The following AGPAT5 variants were observed in gnomAD, a reference collection of about 807,000 sequenced individuals.
AGPAT5 encodes 1-acylglycerol-3-phosphate O-acyltransferase 5, also known as 1-acyl-sn-glycerol-3-phosphate acyltransferase epsilon.
A neutral mutation model predicts 45.6 loss-of-function variants in AGPAT5; 46 were observed. The ratio of observed to expected loss-of-function variants is 1.01; its 90% CI spans 0.80 to 1.29. The LOEUF is 1.29. Among genes scored for constraint, AGPAT5 ranks in the 50% most tolerant of loss-of-function variants. AGPAT5 has a pLI of 0.00. For missense variants in AGPAT5, 673 were observed against 450.7 expected (o/e 1.49, Z -4.47); for synonymous variants, 272 against 167.0 (o/e 1.63, Z -4.85).
intron 1 of AGPAT5, among the ~76,000 whole-genome samples, chr8:6,711,246 G>C (rs1800147965): frequency 6.6e-6 from 1 of 152,220 alleles, no homozygotes; most frequent in Non-Finnish European, 1.5e-5. Flanking sequence ...TCTGTGCTTG[G>C]CAGGTAAACC....
intron 1 of AGPAT5, among the ~76,000 whole-genome samples, chr8:6,711,277 G>T (rs1800148752): frequency 1.3e-5 from 2 of 152,096 alleles, no homozygotes; most frequent in African/African-American, 2.4e-5. Context: ...AAATTTAGTT[G>T]GATTTTTCTT....
intron 6 of AGPAT5, among the ~76,000 whole-genome samples, chr8:6,749,038 A>C (rs1388064424): frequency 2.0e-5 from 3 of 152,256 alleles, no homozygotes; most frequent in African/African-American, 7.2e-5. Context: ...TATTCTGCCC[A>C]ACCTTACACG....
In AGPAT5 at chr8:6,730,213, G is replaced by T. The variant is rs1044332429; in HGVS notation, c.290-498G>T. ...CTGTATTTTATCTTTGAAATAAAAAGCCTTTCAAGAAATGCAAAAAAAAAA... is the reference window on the plus strand; with the variant it reads ...CTGTATTTTATCTTTGAAATAAAAATCCTTTCAAGAAATGCAAAAAAAAAA... On this transcript the variant is annotated intron_variant, in intron 2 of 7. Transcript: ENST00000285518. Among the ~76,000 whole-genome samples, 60 of 148,656 alleles carry T rather than the reference G, an allele frequency of 4.0e-4. 1 individual carries two copies. In the Middle Eastern group the frequency reaches 0.021, roughly 52 times the overall value.
chr8:6,728,302 C>A (rs1258338511), intron 2 of AGPAT5, among the ~76,000 whole-genome samples: 1 of 152,246 alleles, frequency 6.6e-6, no homozygotes. Flanking sequence ...GTAATATAAT[C>A]TCAGCTGTAA....
In AGPAT5 at chr8:6,760,442, A is replaced by G. The variant is rs921793847; in HGVS notation, c.*3054A>G. Among the ~76,000 whole-genome samples, 2 of 152,164 alleles carry G rather than the reference A, an allele frequency of 1.3e-5. No homozygotes were observed. The highest frequency in any genetic ancestry group is 1.3e-4 in the Admixed American group (2 of 15,274). On this transcript the variant is annotated 3_prime_UTR_variant, in exon 8 of 8. Transcript: ENST00000285518. ...TATAGAAATATAAAATTTGCTTATT[A>G]TAGACACACAGTAACTCCCAGATAT...
chr8:6,718,831 G>T (rs1241773946), intron 1 of AGPAT5, among the ~76,000 whole-genome samples: 2 of 152,148 alleles, frequency 1.3e-5, no homozygotes, highest in Non-Finnish European at 2.9e-5. Context: ...TTTTGAAAAA[G>T]AAATTGTAAA....
chr8:6,715,494 G>A (rs1800293008), intron 1 of AGPAT5, among the ~76,000 whole-genome samples: 1 of 152,232 alleles, frequency 6.6e-6, no homozygotes, highest in South Asian at 2.1e-4. Context: ...CTGTGTGCAA[G>A]TATTGTTCTA....
intron 1 of AGPAT5, among the ~76,000 whole-genome samples, chr8:6,723,461 C>T (rs887752823): frequency 6.6e-6 from 1 of 152,094 alleles, no homozygotes; most frequent in East Asian, 1.9e-4. Flanking sequence ...CCCGCCCGCC[C>T]ACTCCACCTC....
intron 3 of AGPAT5, among the ~76,000 whole-genome samples, chr8:6,731,970 A>G (rs1039458425): frequency 2.6e-5 from 4 of 152,186 alleles, no homozygotes; most frequent in African/African-American, 9.7e-5. Flanking sequence ...CTGGATGACT[A>G]ATCCTTCTAC....
chr8:6,729,028 A>C (rs1236250790), intron 2 of AGPAT5, among the ~76,000 whole-genome samples: 1 of 152,206 alleles, frequency 6.6e-6, no homozygotes, highest in Admixed American at 6.5e-5. Context: ...GCAACATTCT[A>C]CTTATAGGGA....
Position 6,730,733 on chromosome 8 carries a change from C to T in AGPAT5, c.312C>T (p.Ile104=), listed in dbSNP as rs768790339. Residue 104 remains isoleucine, a synonymous_variant, in exon 3 of 8, where the codon ATC becomes ATT. Coordinates refer to ENST00000285518, the MANE Select transcript of AGPAT5 (RefSeq NM_018361.5). ...QSTVDWIVAD[I]LAIRQNALGH... ...CAGTTGACTGGATTGTTGCTGACAT[C>T]TTGGCCATCAGGCAGAATGCGCTAG... 6.2e-7 allele frequency: 1 copy of T among 1,613,322 alleles called. No individual in the cohort carries two copies. Among genetic ancestry groups the T allele is most frequent in the Non-Finnish European group, 8.5e-7 (1 of 1,179,444 alleles).
At position 6,760,397 on chromosome 8, in the gene AGPAT5, C is replaced by A. The variant is rs1407510953; in HGVS notation, c.*3009C>A. Among the ~76,000 whole-genome samples the A allele has an allele frequency of 6.6e-6, 1 of 151,886 alleles. No individual in the cohort carries two copies. Among genetic ancestry groups the A allele is most frequent in the Non-Finnish European group, 1.5e-5 (1 of 67,996 alleles). Reference sequence around the variant, plus strand: ...TAGGTAACAGCACGAGACCCCAACTCTTAGAAAATGAAAAGGAAATATAGA... The same window carrying A: ...TAGGTAACAGCACGAGACCCCAACTATTAGAAAATGAAAAGGAAATATAGA... On this transcript the variant is annotated 3_prime_UTR_variant, in exon 8 of 8. Transcript: ENST00000285518.
chr8:6,749,831 T>C (rs1470453708), intron 6 of AGPAT5, among the ~76,000 whole-genome samples: 1 of 152,258 alleles, frequency 6.6e-6, no homozygotes, highest in Admixed American at 6.5e-5. Flanking sequence ...ACTTTTATCA[T>C]GTCCCCTCCT....
chr8:6,759,723 T>A lies in AGPAT5; in HGVS notation c.*2335T>A, dbSNP rs1801967819. 6.6e-6 allele frequency: 1 copy of A among 152,166 alleles called. No individual in the cohort carries two copies. The allele number at this position is 152,166 out of a possible 1,614,324, so 9.4% of individuals were successfully genotyped here. ...AATTCACCAACAGTCTCCCAGTACA[T>A]AAAATAGGCTTAATGACTGGCCCTG... is the stretch of plus-strand genomic sequence containing the variant. On this transcript the variant is annotated 3_prime_UTR_variant, in exon 8 of 8. Coordinates refer to ENST00000285518, the MANE Select transcript of AGPAT5 (RefSeq NM_018361.5).
intron 1 of AGPAT5, among the ~76,000 whole-genome samples, chr8:6,716,080 C>G (rs1800319776): frequency 6.6e-6 from 1 of 152,126 alleles, no homozygotes; most frequent in African/African-American, 2.4e-5. Flanking sequence ...TTGCTTTTCT[C>G]CATCTGTCAT....
chr8:6,734,777 G>C (rs1800987635), intron 4 of AGPAT5, among the ~76,000 whole-genome samples: 2 of 152,004 alleles, frequency 1.3e-5, no homozygotes, highest in East Asian at 3.9e-4. Flanking sequence ...GTGTTGAGGA[G>C]TGGAGTCAGT....
rs574181989 is a variant in AGPAT5 at position 6,751,637 on chromosome 8, A to G, written c.746-3414A>G. Among the ~76,000 whole-genome samples the G allele has an allele frequency of 2.1e-4, 32 of 152,334 alleles. 1 individual carries two copies. The highest frequency in any genetic ancestry group is 6.8e-3 in the Middle Eastern group (2 of 294). On this transcript the variant is annotated intron_variant, in intron 6 of 7. Transcript: ENST00000285518. Reference sequence around the variant, plus strand: ...TCAAAGCCCACCTGGGCATTCTCTCATGGTTCACTGCTTCTTGTAATCATG... The same window carrying G: ...TCAAAGCCCACCTGGGCATTCTCTCGTGGTTCACTGCTTCTTGTAATCATG...
intron 1 of AGPAT5, among the ~76,000 whole-genome samples, chr8:6,712,330 T>A (rs1243620117): frequency 6.6e-6 from 1 of 152,134 alleles, no homozygotes; most frequent in Non-Finnish European, 1.5e-5. Flanking sequence ...TATTTCGGTA[T>A]TCTTTTAATT....
At chr8:6,750,335 T>C (rs1333691213) in intron 6 of AGPAT5, among the ~76,000 whole-genome samples, 1 of 152,254 alleles carries the variant, frequency 6.6e-6, no homozygotes, top group African/African-American at 2.4e-5. Flanking sequence ...GCTTATCCTC[T>C]GCTACATGTG....
Sources: allele counts gnomAD v4.1 joint callset (sites outside exome capture counted in the v4.1 genomes callset), GRCh38; gene constraint gnomAD v4.1.1; transcripts MANE v1.5; gene names NCBI Gene and HGNC (gene_info 2026-07-23, HGNC 2026-07-21).